Variants in LMTK2 observed in about 807,000 individuals in gnomAD.
The protein encoded by LMTK2 is lemur tail kinase 2, also known as serine/threonine-protein kinase LMTK2.
A neutral mutation model predicts 127.5 loss-of-function variants in LMTK2; 37 were observed. That is an observed-to-expected ratio of 0.29 (90% CI 0.22 to 0.38). LMTK2 has a LOEUF of 0.38. Among genes scored for constraint, LMTK2 ranks in the 10% least tolerant of loss-of-function variants. LMTK2 has a pLI of 1.00. For missense variants in LMTK2, 1,694 were observed against 1,920.3 expected, an observed-to-expected ratio of 0.88 and a Z score of 2.20; for synonymous variants, 819 against 810.1, an observed-to-expected ratio of 1.01 and a Z score of -0.19.
chr7:98,155,060 C>T (rs1432418259), intron 5 of LMTK2, among the ~76,000 whole-genome samples, 184 bp downstream of exon 5: 1 of 152,192 alleles, frequency 6.6e-6, no homozygotes, highest in Non-Finnish European at 1.5e-5. Context: ...ACCAGGAGAA[C>T]TCAGCCTAAA....
intron 1 of LMTK2, among the ~76,000 whole-genome samples, chr7:98,119,465 A>G (rs915889585): frequency 2.0e-5 from 3 of 152,230 alleles, no homozygotes; most frequent in African/African-American, 7.2e-5. Flanking sequence ...AAGGAATTCA[A>G]GCACTCCGGG....
chr7:98,151,545 A>G lies in LMTK2; in HGVS notation c.450+90A>G, dbSNP rs148857193. On this transcript the variant is annotated intron_variant, in intron 4 of 13. Coordinates refer to ENST00000297293, the MANE Select transcript of LMTK2 (RefSeq NM_014916.4). ...GAAGAATTGTGTTGTGTGGAGTTCC[A>G]CGTGCCCTGTGGGCCCTGCGTTACT... is the stretch of plus-strand genomic sequence containing the variant. 1.1e-3 allele frequency: 1,181 copies of G among 1,091,082 alleles called. 3 individuals carry two copies. Among genetic ancestry groups the G allele is most frequent in the Non-Finnish European group, 1.5e-3 (1,100 of 730,962 alleles). The allele number at this position is 1,091,082 out of a possible 1,614,324, so 67.6% of individuals were successfully genotyped here.
In LMTK2 at chr7:98,203,671, G is replaced by T; in HGVS notation, c.4205G>T (p.Arg1402Met). 6.2e-7 allele frequency: 1 copy of T among 1,613,896 alleles called. No individual in the cohort carries two copies. The highest frequency in any genetic ancestry group is 8.5e-7 in the Non-Finnish European group (1 of 1,179,968). The change falls in exon 12 of 14, where the codon AGG becomes ATG. Residue 1402 changes from arginine (R) to methionine (M), a missense_variant. Arg to Met is a moderately conservative substitution (Grantham distance 91). Coordinates refer to ENST00000297293, the MANE Select transcript of LMTK2 (RefSeq NM_014916.4). The part of the protein sequence containing the change: ...APASGSPYLS[R>M]CINSESSTDE... ...GCCTCAGGCTCTCCCTACCTGAGCA[G>T]GTGCATCAACTCCGAAAGCTCCACC...
At chr7:98,119,387 T>C (rs536596564) in intron 1 of LMTK2, among the ~76,000 whole-genome samples, 2 of 152,312 alleles carry the variant, frequency 1.3e-5, no homozygotes, top group South Asian at 2.1e-4. Context: ...ACCTGAAATC[T>C]GAAGAGCTCA....
intron 1 of LMTK2, among the ~76,000 whole-genome samples, chr7:98,108,854 C>CA (rs1313004171): frequency 7.7e-6 from 1 of 130,542 alleles, no homozygotes; most frequent in African/African-American, 2.7e-5. Context: ...TCTGCCTGCA[C>CA]ACTTTTTTTT....
chr7:98,140,989 C>A (rs1796689837), intron 2 of LMTK2, among the ~76,000 whole-genome samples: 1 of 151,324 alleles, frequency 6.6e-6, no homozygotes, highest in African/African-American at 2.4e-5. Flanking sequence ...TCCTGGAGGT[C>A]CAGGCTGCAG....
chr7:98,182,173 T>C (rs1028019617), intron 7 of LMTK2, among the ~76,000 whole-genome samples: 8 of 152,172 alleles, frequency 5.3e-5, no homozygotes, highest in Non-Finnish European at 8.8e-5. Flanking sequence ...GAAAAAACTT[T>C]ATGACAGTGA....
intron 2 of LMTK2, among the ~76,000 whole-genome samples, chr7:98,140,169 T>G (rs1562902862): frequency 0.21 from 1,203 of 5,606 alleles, 278 homozygotes; most frequent in Non-Finnish European, 0.27. Flanking sequence ...TTTCTTTTCT[T>G]TTCTTTCTTT....
chr7:98,107,163 C>T lies in LMTK2; in HGVS notation c.-15C>T, dbSNP rs2116304330. 2.8e-6 allele frequency: 4 copies of T among 1,431,838 alleles called. No homozygotes were observed. Among genetic ancestry groups the T allele is most frequent in the Non-Finnish European group, 3.6e-6 (4 of 1,100,918 alleles). 88.7% of individuals were successfully genotyped at this position (1,431,838 alleles called of 1,614,324 possible). A position where few individuals can be genotyped will look rare whatever the true frequency, so the allele number is the denominator to read the frequency against. On this transcript the variant is annotated 5_prime_UTR_variant, in exon 1 of 14. Coordinates refer to ENST00000297293, the MANE Select transcript of LMTK2 (RefSeq NM_014916.4). Reference sequence around the variant, plus strand: ...GCGACTCGAGGGCCGGCCCCGGAGCCGCGCCGTGGGCGAGATGCCGGGGCC... The same window carrying T: ...GCGACTCGAGGGCCGGCCCCGGAGCTGCGCCGTGGGCGAGATGCCGGGGCC...
intron 1 of LMTK2, among the ~76,000 whole-genome samples, chr7:98,111,708 G>C (rs1258173195): frequency 2.6e-5 from 4 of 152,212 alleles, no homozygotes; most frequent in Non-Finnish European, 5.9e-5. Context: ...TCATCAAATT[G>C]ACTAATGGCA....
chr7:98,154,938 T>G lies in LMTK2; in HGVS notation c.569+62T>G. 3 of 926,608 alleles carry G rather than the reference T, an allele frequency of 3.2e-6. No homozygotes were observed. The South Asian group carries it at 4.1e-5, about 13-fold the overall frequency. 57.4% of individuals were successfully genotyped at this position (926,608 alleles called of 1,614,324 possible). On this transcript the variant is annotated intron_variant, in intron 5 of 13. Transcript: ENST00000297293. ...CTGTGGTCTGTTGAAGGTCAGGTGT[T>G]TAAAACTACTGTGGGATTTCTGCCT...
At chr7:98,122,264 G>A (rs988341916) in intron 1 of LMTK2, among the ~76,000 whole-genome samples, 1 of 151,822 alleles carries the variant, frequency 6.6e-6, no homozygotes, top group African/African-American at 2.4e-5. Context: ...TTTGTCACGT[G>A]GGTAAATTGC....
At chr7:98,143,400 G>A (rs1796725998) in intron 3 of LMTK2, among the ~76,000 whole-genome samples, 3 of 151,974 alleles carry the variant, frequency 2.0e-5, no homozygotes, top group Non-Finnish European at 2.9e-5. Context: ...TGACAGAGTC[G>A]CAAAAAATAT....
chr7:98,155,014 C>T, intron 5 of LMTK2, 138 bp downstream of exon 5: 2 of 585,144 alleles, frequency 3.4e-6, no homozygotes, highest in Admixed American at 5.7e-5. Flanking sequence ...CCTAAAATGT[C>T]CAGGCGTCAT....
At chr7:98,189,901 C>T (rs1465630222) in intron 9 of LMTK2, among the ~76,000 whole-genome samples, 3 of 152,120 alleles carry the variant, frequency 2.0e-5, no homozygotes, top group African/African-American at 7.2e-5. Context: ...GTAACTCAAA[C>T]CAAACTTGTG....
intron 7 of LMTK2, among the ~76,000 whole-genome samples, chr7:98,177,370 C>A (rs1797292761): frequency 6.6e-6 from 1 of 152,122 alleles, no homozygotes; most frequent in South Asian, 2.1e-4. Flanking sequence ...ACTATGAAAT[C>A]TTATTGAAGA....
chr7:98,139,068 G>A (rs1018493235), intron 2 of LMTK2, among the ~76,000 whole-genome samples: 4 of 152,184 alleles, frequency 2.6e-5, no homozygotes, highest in Admixed American at 6.5e-5. Flanking sequence ...GTGACTTGCC[G>A]ACATTCATCC....
In LMTK2 at chr7:98,194,563, G is replaced by T; in HGVS notation, c.4098G>T (p.Leu1366=). The change falls in exon 11 of 14, where the codon CTG becomes CTT. Residue 1366 remains leucine (L), a synonymous_variant. Transcript: ENST00000297293. This position sits in a 1 kb window ranked among gnomAD's most constrained non-coding sequence, Gnocchi z 5.4. ...VTFFDDVTVY[L]FDQETPTKEL... ...TTTTCGATGATGTCACAGTCTACCTGTTTGACCAGGTATCTGTTCCCTCTA... is the reference window on the plus strand; with the variant it reads ...TTTTCGATGATGTCACAGTCTACCTTTTTGACCAGGTATCTGTTCCCTCTA... 6.2e-7 allele frequency: 1 copy of T among 1,603,540 alleles called. No homozygotes were observed.
intron 1 of LMTK2, among the ~76,000 whole-genome samples, chr7:98,122,164 A>G (rs1346668754): frequency 6.6e-6 from 1 of 152,126 alleles, no homozygotes; most frequent in Non-Finnish European, 1.5e-5. Context: ...TTTAAACACC[A>G]CCATTGATTT....
Sources: gnomAD v4.1 joint callset for allele counts (sites outside exome capture counted in the v4.1 genomes callset) on GRCh38, gnomAD v4.1.1 for gene constraint, Gnocchi (gnomAD v3.1) non-coding constraint, MANE v1.5 for transcripts, NCBI Gene and HGNC (gene_info 2026-07-23, HGNC 2026-07-21) for gene names.